The following PTPRD variants were observed in gnomAD, a reference collection of about 807,000 sequenced individuals.
PTPRD encodes the protein protein tyrosine phosphatase receptor type D.
In PTPRD, 34 loss-of-function variants were observed where a neutral mutation model predicts 214.5. The observed-to-expected ratio is 0.16, with a 90% CI of 0.12 to 0.21. The LOEUF is 0.21. PTPRD is among the 10% of genes least tolerant of loss of function. The pLI is 1.00. For missense variants in PTPRD, 2,545 were observed against 2,398.7 expected (o/e 1.06, Z -1.27); for synonymous variants, 1,128 against 845.7 (o/e 1.33, Z -5.79).
chr9:9,985,997 G>A (rs2095697295), intron 4 of PTPRD, among the ~76,000 whole-genome samples: 1 of 151,986 alleles, frequency 6.6e-6, no homozygotes, highest in Admixed American at 6.6e-5. Flanking sequence ...ATTTGGTTTG[G>A]GGAATAAGGA....
intron 10 of PTPRD, among the ~76,000 whole-genome samples, chr9:9,172,359 A>C (rs1322737238): frequency 1.3e-5 from 2 of 152,118 alleles, no homozygotes; most frequent in Non-Finnish European, 2.9e-5. Flanking sequence ...GCAAAGTAAA[A>C]TGTTTGGGAT....
chr9:9,591,244 T>G (rs556713472), intron 7 of PTPRD, among the ~76,000 whole-genome samples: 1 of 151,840 alleles, frequency 6.6e-6, no homozygotes, highest in Admixed American at 6.6e-5. Flanking sequence ...ATTCCTGCGG[T>G]GGGAGGACAT....
At chr9:9,160,515 G>A (rs545401092) in intron 10 of PTPRD, among the ~76,000 whole-genome samples, 1 of 152,186 alleles carries the variant, frequency 6.6e-6, no homozygotes, top group South Asian at 2.1e-4. Context: ...TGGCTTCTAT[G>A]AAAAAGATGA....
At chr9:9,785,747 G>A (rs528812944) in intron 5 of PTPRD, among the ~76,000 whole-genome samples, 4 of 152,138 alleles carry the variant, frequency 2.6e-5, no homozygotes, top group African/African-American at 9.6e-5. Context: ...TAATATTATA[G>A]TACCAGTGTT....
chr9:10,428,577 C>T (rs1468635812), intron 2 of PTPRD, among the ~76,000 whole-genome samples: 1 of 151,948 alleles, frequency 6.6e-6, no homozygotes, highest in Non-Finnish European at 1.5e-5. Flanking sequence ...ACAACTCAAC[C>T]TTCTTAAGAT....
At chr9:8,369,797 T>G (rs1182511829) in intron 39 of PTPRD, among the ~76,000 whole-genome samples, 1 of 152,066 alleles carries the variant, frequency 6.6e-6, no homozygotes, top group African/African-American at 2.4e-5. Context: ...TCACTGAAAT[T>G]ACAGCTTTTT....
intron 8 of PTPRD, among the ~76,000 whole-genome samples, chr9:9,402,829 G>T (rs1024788116): frequency 2.0e-5 from 3 of 151,582 alleles, no homozygotes; most frequent in Admixed American, 1.3e-4. Flanking sequence ...CACAACTAAA[G>T]GAAGAATTAA....
intron 2 of PTPRD, among the ~76,000 whole-genome samples, chr9:10,406,980 T>C (rs2098372793): frequency 6.6e-6 from 1 of 151,710 alleles, no homozygotes; most frequent in Non-Finnish European, 1.5e-5. Flanking sequence ...TGGGCAATGT[T>C]CAATTATTTT....
At chr9:8,667,004 T>C (rs1457416610) in intron 12 of PTPRD, among the ~76,000 whole-genome samples, 1 of 152,144 alleles carries the variant, frequency 6.6e-6, no homozygotes, top group Non-Finnish European at 1.5e-5. Context: ...TTTAATATAA[T>C]TATACACAAA....
chr9:9,335,887 A>C (rs1418846454), intron 9 of PTPRD, among the ~76,000 whole-genome samples: 1 of 152,142 alleles, frequency 6.6e-6, no homozygotes, highest in African/African-American at 2.4e-5. Context: ...TAACATGTTC[A>C]AATACACACT....
At chr9:8,800,749 C>A (rs546361640) in intron 11 of PTPRD, among the ~76,000 whole-genome samples, 163 of 152,324 alleles carry the variant, frequency 1.1e-3, no homozygotes, top group African/African-American at 3.7e-3. Flanking sequence ...AACTCACTTT[C>A]ACTTTACTCT....
intron 7 of PTPRD, among the ~76,000 whole-genome samples, chr9:9,610,780 GGATA>G (rs1485375960): frequency 1.3e-5 from 2 of 151,834 alleles, no homozygotes; most frequent in Non-Finnish European, 2.9e-5. Context: ...GGTGATTGGA[GGATA>G]GACAAAGGTA....
intron 3 of PTPRD, among the ~76,000 whole-genome samples, chr9:10,056,906 G>A (rs745791560): frequency 5.3e-5 from 8 of 152,104 alleles, no homozygotes; most frequent in Non-Finnish European, 1.0e-4. Context: ...GTTCAACCTT[G>A]AAAATTCTGC....
chr9:9,217,328 A>G (rs900339239), intron 9 of PTPRD, among the ~76,000 whole-genome samples: 4 of 152,308 alleles, frequency 2.6e-5, no homozygotes, highest in East Asian at 3.9e-4. Flanking sequence ...GTGGCACCTC[A>G]TAAGTGTTTT....
At chr9:8,925,702 C>T (rs909822386) in intron 11 of PTPRD, among the ~76,000 whole-genome samples, 5 of 151,070 alleles carry the variant, frequency 3.3e-5, no homozygotes, top group South Asian at 4.2e-4. Flanking sequence ...TTTTCCTTTA[C>T]GCCACACCTC....
chr9:9,003,038 C>T (rs186637923), intron 11 of PTPRD, among the ~76,000 whole-genome samples: 1 of 152,010 alleles, frequency 6.6e-6, no homozygotes, highest in Non-Finnish European at 1.5e-5. Context: ...GCTTTTAATG[C>T]CTGGAGAGCT....
chr9:9,522,380 C>T (rs10977835), intron 8 of PTPRD, among the ~76,000 whole-genome samples: 21,998 of 152,024 alleles, frequency 0.14, 2,302 homozygotes, highest in East Asian at 0.35. Context: ...TGAAAGATTT[C>T]TAAAGGGAAC....
At chr9:9,837,641 T>C (rs2057156934) in intron 5 of PTPRD, among the ~76,000 whole-genome samples, 1 of 152,118 alleles carries the variant, frequency 6.6e-6, no homozygotes, top group Non-Finnish European at 1.5e-5. Flanking sequence ...TATGAAAATG[T>C]CAAAGGCCCT....
chr9:9,316,426 T>C (rs1233192539), intron 9 of PTPRD, among the ~76,000 whole-genome samples: 1 of 152,138 alleles, frequency 6.6e-6, no homozygotes, highest in African/African-American at 2.4e-5. Flanking sequence ...GAAAGAAACT[T>C]ATCCTCAAAT....
Sources: allele counts gnomAD v4.1 joint callset (sites outside exome capture counted in the v4.1 genomes callset), GRCh38; gene constraint gnomAD v4.1.1; transcripts MANE v1.5; gene names NCBI Gene and HGNC (gene_info 2026-07-23, HGNC 2026-07-21).